The following ANKS1B variants were observed in gnomAD, a reference collection of about 807,000 sequenced individuals.
ANKS1B encodes the protein ankyrin repeat and sterile alpha motif domain containing 1B, also known as ankyrin repeat and sterile alpha motif domain-containing protein 1B.
Under a neutral mutation model 148.3 loss-of-function variants are expected in ANKS1B, and 36 were observed. That is an observed-to-expected ratio of 0.24 (90% confidence interval 0.19 to 0.32). The LOEUF (loss-of-function observed/expected upper bound fraction) is 0.32. Ranked by LOEUF, ANKS1B falls within the 10% of genes least tolerant of loss-of-function variation. ANKS1B has a pLI of 1.00. For missense variants in ANKS1B, 1,157 were observed against 1,542.6 expected (o/e 0.75, Z 4.19); for synonymous variants, 542 against 560.8 (o/e 0.97, Z 0.47).
At chr12:98,879,761 C>T (rs918463276) in intron 17 of ANKS1B, among the ~76,000 whole-genome samples, 6 of 152,174 alleles carry the variant, frequency 3.9e-5, no homozygotes, top group Admixed American at 3.9e-4. Context: ...TATATTTAGG[C>T]TTTCAGTCAC....
At chr12:99,842,199 T>C (rs1031198960) in intron 1 of ANKS1B, among the ~76,000 whole-genome samples, 26 of 152,158 alleles carry the variant, frequency 1.7e-4, no homozygotes, top group Non-Finnish European at 5.9e-5. Context: ...AGTTTTTGTG[T>C]CCTTTTTACT....
intron 12 of ANKS1B, among the ~76,000 whole-genome samples, chr12:99,285,235 A>C (rs1305418955): frequency 1.3e-5 from 2 of 152,184 alleles, no homozygotes; most frequent in African/African-American, 2.4e-5. Context: ...TTTTTTGTCT[A>C]GCTGCCTTTA....
intron 1 of ANKS1B, among the ~76,000 whole-genome samples, chr12:99,940,145 C>T (rs2094883135): frequency 6.6e-6 from 1 of 152,138 alleles, no homozygotes; most frequent in African/African-American, 2.4e-5. Flanking sequence ...CACATTTACT[C>T]TAAGTAAAGC....
chr12:99,595,783 A>G (rs1371410917), intron 9 of ANKS1B, among the ~76,000 whole-genome samples: 1 of 152,008 alleles, frequency 6.6e-6, no homozygotes, highest in Non-Finnish European at 1.5e-5. Flanking sequence ...TGTGCATAGT[A>G]CATAGCATAC....
intron 17 of ANKS1B, among the ~76,000 whole-genome samples, chr12:98,864,149 T>C (rs2099613197): frequency 6.6e-6 from 1 of 152,036 alleles, no homozygotes; most frequent in Admixed American, 6.6e-5. Flanking sequence ...TTTTCATTTT[T>C]AAATGTCCAT....
intron 14 of ANKS1B, among the ~76,000 whole-genome samples, chr12:99,216,916 T>C (rs2084293773): frequency 6.6e-6 from 1 of 152,206 alleles, no homozygotes; most frequent in Non-Finnish European, 1.5e-5. Context: ...CTTTGGGTCA[T>C]GCCCTGAAAA....
intron 8 of ANKS1B, among the ~76,000 whole-genome samples, chr12:99,735,319 G>T (rs1020597243): frequency 1.3e-5 from 2 of 151,898 alleles, no homozygotes; most frequent in Non-Finnish European, 2.9e-5. Flanking sequence ...AAAGATCAAC[G>T]AAATGAAAAG....
At chr12:98,985,181 T>C (rs1387828796) in intron 17 of ANKS1B, among the ~76,000 whole-genome samples, 1 of 152,160 alleles carries the variant, frequency 6.6e-6, no homozygotes, top group East Asian at 1.9e-4. Flanking sequence ...GGTGACATCG[T>C]GGCTCACTGC....
Position 99,845,208 on chromosome 12 carries a change from T to C in ANKS1B, c.135-19819A>G, listed in dbSNP as rs142169721. Among the ~76,000 whole-genome samples, 1,202 of 152,322 alleles carry C rather than the reference T, an allele frequency of 7.9e-3. 16 individuals carry two copies. The highest frequency in any genetic ancestry group is 0.027 in the African/African-American group (1,136 of 41,566). ...TAGATTGACTTCCTCTCTTCCTATT[T>C]GAATACCTTTATTTCTTTCTTTTGC... is the stretch of plus-strand genomic sequence containing the variant. On this transcript the variant is annotated intron_variant, in intron 1 of 26. Transcript: ENST00000683438.
At chr12:99,586,745 G>A (rs914539412) in intron 9 of ANKS1B, among the ~76,000 whole-genome samples, 6 of 152,246 alleles carry the variant, frequency 3.9e-5, no homozygotes, top group South Asian at 2.1e-4. Flanking sequence ...CAATTATGGC[G>A]GAAGGTGAAT....
chr12:99,519,725 T>C (rs2096856323), intron 9 of ANKS1B, among the ~76,000 whole-genome samples: 1 of 152,086 alleles, frequency 6.6e-6, no homozygotes, highest in African/African-American at 2.4e-5. Flanking sequence ...TCATTCAGTA[T>C]TCTCTTCCCT....
intron 14 of ANKS1B, among the ~76,000 whole-genome samples, chr12:99,169,917 A>T (rs1013138355): frequency 6.6e-6 from 1 of 152,112 alleles, no homozygotes; most frequent in African/African-American, 2.4e-5. Context: ...GGTGCACAGG[A>T]TGGGAAACTT....
At chr12:99,541,537 A>G (rs918104575) in intron 9 of ANKS1B, among the ~76,000 whole-genome samples, 4 of 152,186 alleles carry the variant, frequency 2.6e-5, no homozygotes, top group African/African-American at 9.6e-5. Flanking sequence ...AATCATCTCA[A>G]CAGACACAGA....
At chr12:99,048,775 T>C (rs1380548852) in intron 17 of ANKS1B, 7 of 152,340 alleles carry the variant, frequency 4.6e-5, no homozygotes, top group Admixed American at 2.6e-4. Flanking sequence ...AATGTCAGGG[T>C]GCTTTTCCCA....
intron 9 of ANKS1B, among the ~76,000 whole-genome samples, chr12:99,566,278 G>T (rs975085400): frequency 2.9e-4 from 44 of 152,124 alleles, no homozygotes; most frequent in African/African-American, 1.0e-3. Context: ...TCAATACTTT[G>T]CTTGAAATCT....
chr12:99,380,349 A>G (rs2093588316), intron 12 of ANKS1B, among the ~76,000 whole-genome samples: 1 of 152,238 alleles, frequency 6.6e-6, no homozygotes, highest in Non-Finnish European at 1.5e-5. Flanking sequence ...CACCTACAAA[A>G]TATATTTTGT....
intron 1 of ANKS1B, among the ~76,000 whole-genome samples, chr12:99,865,928 C>T (rs2090685737): frequency 6.6e-6 from 1 of 152,046 alleles, no homozygotes; most frequent in African/African-American, 2.4e-5. Context: ...GGTGGTGCTA[C>T]AAGTCAACAT....
At chr12:99,084,695 G>T (rs2051008691) in intron 16 of ANKS1B, among the ~76,000 whole-genome samples, 1 of 152,274 alleles carries the variant, frequency 6.6e-6, no homozygotes, top group South Asian at 2.1e-4. Flanking sequence ...TCCAGACTGG[G>T]TGACAGAGAG....
At chr12:99,717,126 C>G (rs1174595314) in intron 8 of ANKS1B, among the ~76,000 whole-genome samples, 1 of 152,142 alleles carries the variant, frequency 6.6e-6, no homozygotes, top group South Asian at 2.1e-4. Context: ...TGGCAGCAAC[C>G]CTGAGATGCT....
Sources: gnomAD v4.1 joint callset for allele counts (sites outside exome capture counted in the v4.1 genomes callset) on GRCh38, gnomAD v4.1.1 for gene constraint, MANE v1.5 for transcripts, NCBI Gene and HGNC (gene_info 2026-07-23, HGNC 2026-07-21) for gene names.